FSHR: variants seen among roughly 807,000 people sequenced by gnomAD.
The protein encoded by FSHR is follicle-stimulating hormone receptor.
FSHR carries 46 observed loss-of-function variants against 52.1 expected under a neutral mutation model. The observed-to-expected ratio is 0.88, with a 90% CI of 0.70 to 1.13. The LOEUF is 1.13. Ranked by LOEUF, FSHR falls within the 50% of genes most tolerant of loss-of-function variation. The pLI is 0.00. For missense variants in FSHR, 964 were observed against 834.6 expected (o/e 1.16, Z -1.91); for synonymous variants, 399 against 309.6 (o/e 1.29, Z -3.03).
intron 1 of FSHR, among the ~76,000 whole-genome samples, chr2:49,128,740 A>G (rs1672154938): frequency 6.6e-6 from 1 of 152,054 alleles, no homozygotes; most frequent in African/African-American, 2.4e-5. Context: ...AGAAACAGCT[A>G]GCTGCTTTAA....
intron 1 of FSHR, among the ~76,000 whole-genome samples, chr2:49,071,683 C>T (rs1244571005): frequency 2.6e-5 from 4 of 152,092 alleles, no homozygotes; most frequent in Admixed American, 1.3e-4. Context: ...TTATTTCACT[C>T]ATAGTTCTGC....
chr2:48,986,434 AT>A (rs1675520116), intron 6 of FSHR, among the ~76,000 whole-genome samples: 1 of 124,124 alleles, frequency 8.1e-6, no homozygotes, highest in African/African-American at 3.0e-5. Flanking sequence ...AAATGTCCCC[AT>A]GGGAAGAAAA....
intron 1 of FSHR, among the ~76,000 whole-genome samples, chr2:49,096,985 G>A (rs2103710274): frequency 6.6e-6 from 1 of 152,234 alleles, no homozygotes; most frequent in Non-Finnish European, 1.5e-5. Context: ...CCAAGCAATA[G>A]CCAGCACTGT....
chr2:49,118,144 C>A (rs918237120), intron 1 of FSHR, among the ~76,000 whole-genome samples: 3 of 151,966 alleles, frequency 2.0e-5, no homozygotes, highest in Non-Finnish European at 4.4e-5. Flanking sequence ...AAAAAGGTAT[C>A]TATCCACTCC....
chr2:49,104,699 G>T (rs1671160974), intron 1 of FSHR, among the ~76,000 whole-genome samples: 1 of 152,136 alleles, frequency 6.6e-6, no homozygotes, highest in Non-Finnish European at 1.5e-5. Flanking sequence ...AGTTGCTTCA[G>T]CTGGGTGTTG....
intron 8 of FSHR, among the ~76,000 whole-genome samples, chr2:48,978,602 C>G (rs931117701): frequency 1.1e-4 from 17 of 152,180 alleles, no homozygotes; most frequent in Admixed American, 1.1e-3. Context: ...AAAGAAACAG[C>G]AATTGTTCGA....
At chr2:49,145,454 C>T (rs1008881427) in intron 1 of FSHR, among the ~76,000 whole-genome samples, 2 of 151,928 alleles carry the variant, frequency 1.3e-5, no homozygotes, top group African/African-American at 4.8e-5. Context: ...TGAAATCATC[C>T]CACGGTGGTC....
At chr2:49,100,296 C>T (rs1320124401) in intron 1 of FSHR, among the ~76,000 whole-genome samples, 1 of 152,094 alleles carries the variant, frequency 6.6e-6, no homozygotes, top group Non-Finnish European at 1.5e-5. Flanking sequence ...TAAGTGTGAA[C>T]TGGTACCAAA....
At chr2:49,123,897 T>C (rs1671907298) in intron 1 of FSHR, among the ~76,000 whole-genome samples, 1 of 152,196 alleles carries the variant, frequency 6.6e-6, no homozygotes, top group South Asian at 2.1e-4. Flanking sequence ...CTTAAGTCTG[T>C]AGCTGTAGGG....
chr2:49,116,285 T>C (rs1295938832), intron 1 of FSHR, among the ~76,000 whole-genome samples: 1 of 152,134 alleles, frequency 6.6e-6, no homozygotes, highest in Non-Finnish European at 1.5e-5. Flanking sequence ...CAAACTTGAG[T>C]GTCTGAAGTT....
chr2:49,137,282 G>T (rs1450922601), intron 1 of FSHR, among the ~76,000 whole-genome samples: 1 of 151,894 alleles, frequency 6.6e-6, no homozygotes, highest in Non-Finnish European at 1.5e-5. Flanking sequence ...CTTAGGAATA[G>T]ATTTAACAAA....
intron 1 of FSHR, among the ~76,000 whole-genome samples, chr2:49,111,194 C>G (rs960038): frequency 0.48 from 73,380 of 151,944 alleles, 18,721 homozygotes; most frequent in East Asian, 0.71. Context: ...CAGCCCCAGA[C>G]CCCTTCTTTG....
At chr2:49,019,796 T>A (rs371697008) in intron 3 of FSHR, among the ~76,000 whole-genome samples, 2 of 152,330 alleles carry the variant, frequency 1.3e-5, no homozygotes, top group African/African-American at 4.8e-5. Flanking sequence ...TAACTCTGAA[T>A]GGAAGGATGA....
chr2:48,965,772 C>T (rs1024308477), intron 9 of FSHR, among the ~76,000 whole-genome samples: 4 of 152,194 alleles, frequency 2.6e-5, no homozygotes, highest in Non-Finnish European at 1.5e-5. Context: ...TTTTCTGAAA[C>T]TGAAGTGACC....
At chr2:48,979,449 C>A (rs969138968) in intron 8 of FSHR, among the ~76,000 whole-genome samples, 3 of 152,054 alleles carry the variant, frequency 2.0e-5, no homozygotes, top group African/African-American at 7.2e-5. Flanking sequence ...AACACCCCCC[C>A]AAAACCTACT....
intron 2 of FSHR, among the ~76,000 whole-genome samples, chr2:49,026,084 G>C (rs1177426152): frequency 6.6e-6 from 1 of 152,144 alleles, no homozygotes; most frequent in African/African-American, 2.4e-5. Context: ...TCCCAGATCT[G>C]CTTCCTTCTC....
At chr2:49,127,898 C>CTTCTTCTTCTTCTTCTTCTTCTTCTTTT (rs1558457105) in intron 1 of FSHR, among the ~76,000 whole-genome samples, 1 of 27,258 alleles carries the variant, frequency 3.7e-5, no homozygotes, top group African/African-American at 1.8e-4. Flanking sequence ...TCTTCTTCTT[C>CTTCTTCTTCTTCTTCTTCTTCTTCTTTT]TTTTTTTTTT....
chr2:49,079,239 A>G (rs1452287470), intron 1 of FSHR, among the ~76,000 whole-genome samples: 1 of 152,180 alleles, frequency 6.6e-6, no homozygotes, highest in Non-Finnish European at 1.5e-5. Flanking sequence ...AAAAACCCTA[A>G]ACAAACAGAA....
intron 2 of FSHR, among the ~76,000 whole-genome samples, chr2:49,021,863 C>CTCTCTCTATATATA (rs1467766420): frequency 2.0e-5 from 1 of 49,868 alleles, no homozygotes; most frequent in African/African-American, 8.2e-5. Context: ...CTCTCTCTCT[C>CTCTCTCTATATATA]TATATATATA....
Sources: allele counts gnomAD v4.1 joint callset (sites outside exome capture counted in the v4.1 genomes callset), GRCh38; gene constraint gnomAD v4.1.1; transcripts MANE v1.5; gene names NCBI Gene and HGNC (gene_info 2026-07-23, HGNC 2026-07-21).